SNX18: variants seen among roughly 807,000 people sequenced by gnomAD.
SNX18 encodes the protein sorting nexin 18.
SNX18 carries 35 observed loss-of-function variants against 48.7 expected under a neutral mutation model. The ratio of observed to expected loss-of-function variants is 0.72; its 90% CI spans 0.55 to 0.95. SNX18 has a LOEUF of 0.95. Ranked by LOEUF, SNX18 falls within the 40% of genes least tolerant of loss-of-function variation. The pLI, the probability that SNX18 is intolerant of heterozygous loss-of-function variation, is 0.00. For synonymous variants in SNX18, 492 were observed against 384.7 expected, an observed-to-expected ratio of 1.28 and a Z score of -3.26; for missense variants, 824 against 871.0, an observed-to-expected ratio of 0.95 and a Z score of 0.68.
At chr5:54,638,649 C>T in the SNX18 span, among the ~76,000 whole-genome samples, 1 of 152,230 alleles carries the variant, frequency 6.6e-6, no homozygotes, top group Non-Finnish European at 1.5e-5. Context: ...CTGGCACTGA[C>T]TGCTAATATT....
the SNX18 span, among the ~76,000 whole-genome samples, chr5:54,608,834 T>C: frequency 6.6e-6 from 1 of 152,204 alleles, no homozygotes; most frequent in Non-Finnish European, 1.5e-5. Flanking sequence ...ACTCAGCCCT[T>C]GGTGTCTCTC....
chr5:54,557,222 G>A, the SNX18 span, among the ~76,000 whole-genome samples: 2 of 152,130 alleles, frequency 1.3e-5, no homozygotes, highest in Non-Finnish European at 2.9e-5. Flanking sequence ...GGCACCACCT[G>A]ACCTCCAGAA....
the SNX18 span, among the ~76,000 whole-genome samples, chr5:54,622,311 C>A: frequency 6.6e-6 from 1 of 152,268 alleles, no homozygotes; most frequent in South Asian, 2.1e-4. Flanking sequence ...CCAACCTGGG[C>A]AACAAGGTGA....
downstream of SNX18, among the ~76,000 whole-genome samples, chr5:54,549,115 C>G (rs1290632297): frequency 6.6e-6 from 1 of 151,994 alleles, no homozygotes; most frequent in East Asian, 1.9e-4. Context: ...GATGTGGAAC[C>G]CACAGATACT....
downstream of SNX18, among the ~76,000 whole-genome samples, chr5:54,551,079 CA>C (rs35257130): frequency 7.0e-3 from 837 of 119,290 alleles, 6 homozygotes; most frequent in Middle Eastern, 0.047. Context: ...AGGGGACTAG[CA>C]AAAAAAAAAA....
rs924174033 is a variant in SNX18 at position 54,546,311 on chromosome 5, T to C, written c.*2879T>C. 2.0e-5 allele frequency: 3 copies of C among 152,258 alleles called. No individual in the cohort carries two copies. The highest frequency in any genetic ancestry group is 6.5e-5 in the Admixed American group (1 of 15,276). The allele number at this position is 152,258 out of a possible 1,614,324, so 9.4% of individuals were successfully genotyped here. A position where few individuals can be genotyped will look rare whatever the true frequency, so the allele number is the denominator to read the frequency against. On this transcript the variant is annotated 3_prime_UTR_variant, in exon 2 of 2. Transcript: ENST00000381410. ...GTATGTAAAGTTTGTGTAAAAACTT[T>C]TAAATGTCATTCTTAAGTTCATTGC...
chr5:54,549,430 G>A (rs948848547), downstream of SNX18, among the ~76,000 whole-genome samples: 1 of 152,098 alleles, frequency 6.6e-6, no homozygotes, highest in African/African-American at 2.4e-5. Flanking sequence ...TTCTTGTCTT[G>A]CAGAGCCCTG....
At chr5:54,520,190 G>A (rs1380022007) in intron 1 of SNX18, 1 of 220,534 alleles carries the variant, frequency 4.5e-6, no homozygotes, top group Non-Finnish European at 1.0e-5. Flanking sequence ...CTGAAATTGA[G>A]AACGTTGTTT....
the SNX18 span, among the ~76,000 whole-genome samples, chr5:54,567,450 GGAA>G: frequency 6.6e-6 from 1 of 152,120 alleles, no homozygotes; most frequent in Non-Finnish European, 1.5e-5. Flanking sequence ...GGGGACAAAA[GGAA>G]GAAGGAGACC....
Position 54,519,191 on chromosome 5 carries a change from G to A in SNX18, c.1239G>A (p.Thr413=). The stretch of plus-strand genomic sequence containing the variant: ...CCAACTTCTTCCTGACCCTTAGCAC[G>A]CCCCCCGCCGCTGCCCTTGACCTGC... ...VGANFFLTLS[T]PPAAALDLQE... Residue 413 remains threonine (T), a synonymous_variant, in exon 1 of 2, where the codon ACG becomes ACA. Transcript: ENST00000381410. 3 of 1,613,646 alleles carry A rather than the reference G, an allele frequency of 1.9e-6. No homozygotes were observed. Among genetic ancestry groups the A allele is most frequent in the Non-Finnish European group, 2.5e-6 (3 of 1,179,794 alleles).
the SNX18 span, among the ~76,000 whole-genome samples, chr5:54,636,614 A>G: frequency 2.6e-5 from 4 of 152,268 alleles, no homozygotes; most frequent in African/African-American, 7.2e-5. Context: ...GCCTCTTTCC[A>G]CAACTACAAT....
the SNX18 span, among the ~76,000 whole-genome samples, chr5:54,552,814 T>G: frequency 1.3e-5 from 2 of 151,518 alleles, no homozygotes; most frequent in Non-Finnish European, 2.9e-5. Context: ...AACTAGATGA[T>G]ATGTAGAAGG....
At chr5:54,635,624 G>A in the SNX18 span, among the ~76,000 whole-genome samples, 9 of 152,148 alleles carry the variant, frequency 5.9e-5, no homozygotes, top group East Asian at 1.9e-4. Flanking sequence ...AATAATGGCC[G>A]TCTATGGGCT....
rs1412436031 is a variant in SNX18 at position 54,517,788 on chromosome 5, A to G, written c.-165A>G. 3 of 584,146 alleles carry G rather than the reference A, an allele frequency of 5.1e-6. No individual in the cohort carries two copies. The highest frequency in any genetic ancestry group is 7.4e-6 in the Non-Finnish European group (3 of 403,512). 36.2% of individuals were successfully genotyped at this position (584,146 alleles called of 1,614,324 possible). A position where few individuals can be genotyped will look rare whatever the true frequency, so the allele number is the denominator to read the frequency against. On this transcript the variant is annotated 5_prime_UTR_variant, in exon 1 of 2. Coordinates refer to ENST00000381410, the MANE Select transcript of SNX18 (RefSeq NM_001102575.2). Reference sequence around the variant, plus strand: ...GGCGCTGCGAAGTGGAGGCGCTGCGAGCGGAGCCGCGCGGAGGGCGCGACC... The same window carrying G: ...GGCGCTGCGAAGTGGAGGCGCTGCGGGCGGAGCCGCGCGGAGGGCGCGACC...
At chr5:54,633,516 G>A in the SNX18 span, among the ~76,000 whole-genome samples, 1 of 152,166 alleles carries the variant, frequency 6.6e-6, no homozygotes, top group African/African-American at 2.4e-5. Flanking sequence ...GGTTCATATT[G>A]TATCAGTAAC....
the SNX18 span, among the ~76,000 whole-genome samples, chr5:54,593,769 A>G: frequency 6.6e-5 from 10 of 152,244 alleles, no homozygotes; most frequent in Non-Finnish European, 1.5e-4. Flanking sequence ...AGAGGTGCTA[A>G]GGTAATTCCA....
chr5:54,555,246 G>A, the SNX18 span, among the ~76,000 whole-genome samples: 1 of 152,184 alleles, frequency 6.6e-6, no homozygotes, highest in Non-Finnish European at 1.5e-5. Flanking sequence ...CGGGGTACCC[G>A]ATGCTTTCTG....
chr5:54,528,563 G>C (rs915014729), intron 1 of SNX18, among the ~76,000 whole-genome samples: 2 of 152,108 alleles, frequency 1.3e-5, no homozygotes, highest in African/African-American at 4.8e-5. Flanking sequence ...ATCTTGAAAT[G>C]CTTTAGGATA....
At chr5:54,574,078 TC>T in the SNX18 span, among the ~76,000 whole-genome samples, 1 of 152,088 alleles carries the variant, frequency 6.6e-6, no homozygotes, top group Non-Finnish European at 1.5e-5. Context: ...TCATCTCTGC[TC>T]CCTATGGCAT....
Sources: gnomAD v4.1 joint callset for allele counts (sites outside exome capture counted in the v4.1 genomes callset) on GRCh38, gnomAD v4.1.1 for gene constraint, MANE v1.5 for transcripts, NCBI Gene and HGNC (gene_info 2026-07-23, HGNC 2026-07-21) for gene names.